Variants in TRIM14 observed in about 807,000 individuals in gnomAD.
TRIM14 encodes the protein tripartite motif-containing protein 14.
Under a neutral mutation model 44.5 loss-of-function variants are expected in TRIM14, and 28 were observed. That is an observed-to-expected ratio of 0.63 (90% CI 0.47 to 0.86). The LOEUF (loss-of-function observed/expected upper bound fraction) is 0.86, where lower values mean the gene tolerates loss of function less well. Among genes scored for constraint, TRIM14 ranks in the 40% least tolerant of loss-of-function variants. The pLI, the probability that TRIM14 is intolerant of heterozygous loss-of-function variation, is 0.00. For synonymous variants in TRIM14, 299 were observed against 269.2 expected (o/e 1.11, Z -1.08); for missense variants, 607 against 611.1 (o/e 0.99, Z 0.07).
At chr9:98,057,369 C>T in the TRIM14 span, among the ~76,000 whole-genome samples, 4 of 152,278 alleles carry the variant, frequency 2.6e-5, no homozygotes, top group East Asian at 7.7e-4. Flanking sequence ...GAGTTACTTT[C>T]AGGAATGACA....
At chr9:98,056,995 G>A in the TRIM14 span, 2 of 1,501,554 alleles carry the variant, frequency 1.3e-6, no homozygotes, top group South Asian at 1.3e-5. Context: ...GGCGGGGCGG[G>A]GCCGCGGGGA....
At chr9:98,036,070 G>A in the TRIM14 span, among the ~76,000 whole-genome samples, 8 of 150,928 alleles carry the variant, frequency 5.3e-5, no homozygotes, top group Non-Finnish European at 1.2e-4. Context: ...TTAGCCAGGC[G>A]TGGTGGCATG....
downstream of TRIM14, chr9:98,081,055 G>A (rs200678999): frequency 6.2e-7 from 1 of 1,614,156 alleles, no homozygotes; most frequent in African/African-American, 1.3e-5. Context: ...AGCAGCTGCT[G>A]CCCTGTGAGA....
chr9:98,073,579 G>C (rs1829449641), intron 6 of TRIM14, among the ~76,000 whole-genome samples: 1 of 150,716 alleles, frequency 6.6e-6, no homozygotes, highest in South Asian at 2.1e-4. Flanking sequence ...CACCGCGCCT[G>C]GCCTGGGCTT....
At chr9:98,083,209 T>C, downstream of TRIM14, 2 of 707,720 alleles carry the variant, frequency 2.8e-6, no homozygotes, top group Non-Finnish European at 4.6e-6. Context: ...GGCTAGGCCC[T>C]GTGTCAGCCC....
intron 2 of TRIM14, among the ~76,000 whole-genome samples, chr9:98,100,908 A>T (rs778292624): frequency 9.9e-5 from 15 of 152,172 alleles, no homozygotes; most frequent in Admixed American, 3.3e-4. Context: ...CAGTTAAACT[A>T]AAACACTGTA....
intron 3 of TRIM14, among the ~76,000 whole-genome samples, chr9:98,097,972 G>A (rs1379003153): frequency 6.6e-6 from 1 of 152,186 alleles, no homozygotes; most frequent in Non-Finnish European, 1.5e-5. Flanking sequence ...CTGACAATGA[G>A]ACACAGGCTG....
In TRIM14 at chr9:98,087,214, T is replaced by C. The variant is rs181234322; in HGVS notation, c.*256A>G. 7.9e-6 allele frequency: 6 copies of C among 763,722 alleles called. No homozygotes were observed. Among genetic ancestry groups the C allele is most frequent in the African/African-American group, 6.8e-5 (4 of 58,734 alleles). 47.3% of individuals were successfully genotyped at this position (763,722 alleles called of 1,614,324 possible). A position where few individuals can be genotyped will look rare whatever the true frequency, so the allele number is the denominator to read the frequency against. Reference sequence around the variant, plus strand: ...TCACTTTGAAGGAACTGGATTAAAGTAGTGTAAGTGATGGTGGGGTGAGGG... The same window carrying C: ...TCACTTTGAAGGAACTGGATTAAAGCAGTGTAAGTGATGGTGGGGTGAGGG... On this transcript the variant is annotated 3_prime_UTR_variant, in exon 6 of 6. Transcript: ENST00000341469.
rs1159084268 is a variant in TRIM14, at chr9:98,087,305, A to G, written c.*165T>C. The stretch of plus-strand genomic sequence containing the variant: ...GGCCTGTTTGAAACTAGCCTAGGAG[A>G]GGAAACCTTCAAAGCACTGTAGGCG... On this transcript the variant is annotated 3_prime_UTR_variant, in exon 6 of 6. Transcript: ENST00000341469. The G allele has an allele frequency of 9.0e-7, 1 of 1,107,324 alleles. No homozygotes were observed. Among genetic ancestry groups the G allele is most frequent in the African/African-American group, 1.5e-5 (1 of 65,218 alleles). 68.6% of individuals were successfully genotyped at this position (1,107,324 alleles called of 1,614,324 possible).
intron 2 of TRIM14, among the ~76,000 whole-genome samples, chr9:98,106,954 G>A (rs1027294809): frequency 4.0e-5 from 6 of 151,748 alleles, no homozygotes; most frequent in Non-Finnish European, 7.4e-5. Context: ...AGCCTCCTGA[G>A]TAGCTGGGAC....
chr9:98,041,904 G>A, the TRIM14 span, among the ~76,000 whole-genome samples: 3 of 151,204 alleles, frequency 2.0e-5, no homozygotes, highest in East Asian at 2.0e-4. Context: ...GGCTGGTCTC[G>A]AACCCCTGAC....
At chr9:98,056,864 G>A in the TRIM14 span, 1 of 1,612,242 alleles carries the variant, frequency 6.2e-7, no homozygotes, top group Non-Finnish European at 8.5e-7. Flanking sequence ...CAACACCCGT[G>A]CTTCATCATT....
the TRIM14 span, among the ~76,000 whole-genome samples, chr9:98,054,605 A>T: frequency 6.6e-6 from 1 of 152,208 alleles, no homozygotes; most frequent in Non-Finnish European, 1.5e-5. Context: ...GTGGAGCTAC[A>T]GAGGGACACC....
chr9:98,089,072 G>C (rs1039398354), intron 5 of TRIM14, among the ~76,000 whole-genome samples: 2 of 152,190 alleles, frequency 1.3e-5, no homozygotes, highest in East Asian at 3.8e-4. Flanking sequence ...GTGTAACAGA[G>C]ACTGAGTTTT....
At chr9:98,052,506 A>G in the TRIM14 span, among the ~76,000 whole-genome samples, 1 of 152,016 alleles carries the variant, frequency 6.6e-6, no homozygotes, top group Non-Finnish European at 1.5e-5. Flanking sequence ...AAACTGTTAA[A>G]TTTTTGTTTT....
the TRIM14 span, among the ~76,000 whole-genome samples, chr9:98,057,124 C>G: frequency 6.6e-6 from 1 of 152,242 alleles, no homozygotes; most frequent in Admixed American, 6.5e-5. Context: ...CCCTCGTGAC[C>G]TTTCTGCATT....
the TRIM14 span, among the ~76,000 whole-genome samples, chr9:98,041,148 T>C: frequency 6.6e-6 from 1 of 151,970 alleles, no homozygotes; most frequent in Non-Finnish European, 1.5e-5. Context: ...ATTAGGTAAA[T>C]AATGAGCTCT....
At chr9:98,103,613 T>C (rs1302526853) in intron 2 of TRIM14, among the ~76,000 whole-genome samples, 1 of 151,892 alleles carries the variant, frequency 6.6e-6, no homozygotes, top group Admixed American at 6.6e-5. Flanking sequence ...CTGAGGCGAA[T>C]GGATCACGAG....
intron 6 of TRIM14, chr9:98,077,061 C>A: frequency 6.9e-7 from 1 of 1,458,416 alleles, no homozygotes; most frequent in Non-Finnish European, 9.4e-7. Context: ...GAGTCCAAAC[C>A]TTCATATTTT....
Sources: gnomAD v4.1 joint callset for allele counts (sites outside exome capture counted in the v4.1 genomes callset) on GRCh38, gnomAD v4.1.1 for gene constraint, MANE v1.5 for transcripts, NCBI Gene and HGNC (gene_info 2026-07-23, HGNC 2026-07-21) for gene names.